Variants in ITPR3 observed in about 807,000 individuals in gnomAD.
The protein encoded by ITPR3 is inositol 1,4,5-trisphosphate-gated calcium channel ITPR3.
ITPR3 carries 173 observed loss-of-function variants against 293.2 expected under a neutral mutation model. That is an observed-to-expected ratio of 0.59 (90% CI 0.52 to 0.67). The LOEUF (loss-of-function observed/expected upper bound fraction) is 0.67, where lower values mean the gene tolerates loss of function less well. Ranked by LOEUF, ITPR3 falls within the 30% of genes least tolerant of loss-of-function variation. The probability of loss-of-function intolerance (pLI) is 0.00; values close to 1 mark genes in which losing one functional copy is unlikely to be tolerated. For missense variants in ITPR3, 2,796 were observed against 3,592.1 expected (o/e 0.78, Z 5.66); for synonymous variants, 1,295 against 1,444.4 (o/e 0.90, Z 2.35).
intron 50 of ITPR3, 76 bp downstream of exon 50, chr6:33,689,486 G>T: frequency 1.3e-6 from 2 of 1,512,858 alleles, no homozygotes; most frequent in Non-Finnish European, 1.8e-6. Context: ...CTGGCCTGCT[G>T]CTTCCAGGAG....
intron 21 of ITPR3, among the ~76,000 whole-genome samples, chr6:33,671,672 T>G (rs1334449850): frequency 6.6e-6 from 1 of 152,080 alleles, no homozygotes; most frequent in Non-Finnish European, 1.5e-5. Flanking sequence ...CTGCATAAAG[T>G]CATCTAAACA....
At position 33,691,563 on chromosome 6, in the gene ITPR3, G is replaced by A. The variant is rs1310892630; in HGVS notation, c.7226-52G>A. 6.8e-6 allele frequency: 10 copies of A among 1,474,486 alleles called. No homozygotes were observed. In the African/African-American group the frequency reaches 6.9e-5, roughly 10 times the overall value. 91.3% of individuals were successfully genotyped at this position (1,474,486 alleles called of 1,614,324 possible). The stretch of plus-strand genomic sequence containing the variant: ...ATGTGACACTGGGGACAGAGCCAGG[G>A]GATAAGGCCAGGCACTGGACCTCCT... On this transcript the variant is annotated intron_variant, in intron 52 of 57. Coordinates refer to ENST00000605930, the MANE Select transcript of ITPR3 (RefSeq NM_002224.4). The surrounding 1 kb of genome is among the most constrained non-coding windows in gnomAD (Gnocchi z 4.9).
In ITPR3 at chr6:33,683,317, A is replaced by T. The variant is rs745796543; in HGVS notation, c.4708A>T (p.Lys1570Ter). 1 of 1,591,844 alleles carries T rather than the reference A, an allele frequency of 6.3e-7. No homozygotes were observed. Among genetic ancestry groups the T allele is most frequent in the South Asian group, 1.1e-5 (1 of 87,582 alleles). Residue 1570 changes from lysine to a stop codon, truncating the protein, a stop_gained, in exon 35 of 58, where the codon AAG becomes TAG. Coordinates refer to ENST00000605930, the MANE Select transcript of ITPR3 (RefSeq NM_002224.4). LOFTEE classifies it high-confidence loss of function. The surrounding 1 kb of genome is among the most constrained non-coding windows in gnomAD (Gnocchi z 4.5). ...CGCCCAGCGGAACGCCTCCAGCTAC[A>T]AGGCAACCACGCGGGCCTTCCCCCG... Reference protein sequence around the residue: ...AAAQRNASSYKATTRAFPRVT... With the variant: ...AAAQRNASSY
At position 33,638,044 on chromosome 6, in the gene ITPR3, C is replaced by T. The variant is rs558142501; in HGVS notation, c.90-2440C>T. 8.7e-5 allele frequency among the ~76,000 whole-genome samples: 13 copies of T among 149,748 alleles called. No individual in the cohort carries two copies. Among genetic ancestry groups the T allele is most frequent in the Non-Finnish European group, 1.6e-4 (11 of 67,450 alleles). ...TTGTTGAGATGAAGTCTTGCTCTTTCGCCCAGGCTGAAGTGCAGTGGCGTG... is the reference window on the plus strand; with the variant it reads ...TTGTTGAGATGAAGTCTTGCTCTTTTGCCCAGGCTGAAGTGCAGTGGCGTG... On this transcript the variant is annotated intron_variant, in intron 1 of 57. Transcript: ENST00000605930. This position sits in a 1 kb window ranked among gnomAD's most constrained non-coding sequence, Gnocchi z 4.3.
rs1354444609 is a variant in ITPR3 at position 33,655,866 on chromosome 6, G to C, written c.261G>C (p.Val87=). The C allele has an allele frequency of 6.2e-7, 1 of 1,614,082 alleles. No homozygotes were observed. Among genetic ancestry groups the C allele is most frequent in the East Asian group, 2.2e-5 (1 of 44,874 alleles). Residue 87 remains valine (V), a synonymous_variant, in exon 3 of 58, where the codon GTG becomes GTC. Coordinates refer to ENST00000605930, the MANE Select transcript of ITPR3 (RefSeq NM_002224.4). This position sits in a 1 kb window ranked among gnomAD's most constrained non-coding sequence, Gnocchi z 4.9. Reference sequence around the variant, plus strand: ...AGGACAAGGAGAAGATCGCTGATGTGGTGTTGCTGCAGAAGCTGCAGGTAT... The same window carrying C: ...AGGACAAGGAGAAGATCGCTGATGTCGTGTTGCTGCAGAAGCTGCAGGTAT... ...TKQDKEKIAD[V]VLLQKLQHAA...
rs115384840 is a variant in ITPR3 at position 33,649,744 on chromosome 6, T to G, written c.161-6022T>G. 1.4e-4 allele frequency among the ~76,000 whole-genome samples: 22 copies of G among 152,286 alleles called. No homozygotes were observed. The East Asian group carries it at 3.9e-3, about 27-fold the overall frequency. On this transcript the variant is annotated intron_variant, in intron 2 of 57. Transcript: ENST00000605930. ...TTGGATCCTCTACTCTGGTGCTTGA[T>G]TGAGCAGCAGAACCATGTGGGGTAG... is the stretch of plus-strand genomic sequence containing the variant.
intron 2 of ITPR3, among the ~76,000 whole-genome samples, chr6:33,644,240 T>C (rs1245177904): frequency 6.6e-6 from 1 of 152,038 alleles, no homozygotes; most frequent in Non-Finnish European, 1.5e-5. Context: ...CACCCACTGC[T>C]GAGCTTTGTC....
rs78064999 is a variant in ITPR3 at position 33,655,732 on chromosome 6, T to C, written c.161-34T>C. Reference sequence around the variant, plus strand: ...GGGAGGGCCCTGAGCCCCAGATGAATCATTCCCCTCACCCCCAACCTGCCC... The same window carrying C: ...GGGAGGGCCCTGAGCCCCAGATGAACCATTCCCCTCACCCCCAACCTGCCC... On this transcript the variant is annotated intron_variant, in intron 2 of 57. Transcript: ENST00000605930. The surrounding 1 kb of genome is among the most constrained non-coding windows in gnomAD (Gnocchi z 4.9). 0.047 allele frequency: 75,884 copies of C among 1,613,086 alleles called. 2,063 individuals are homozygous for C. Among genetic ancestry groups the C allele is most frequent in the African/African-American group, 0.068 (5,121 of 74,954 alleles).
intron 9 of ITPR3, 57 bp from the exon 10 acceptor site, chr6:33,663,443 T>C: frequency 6.6e-7 from 1 of 1,521,120 alleles, no homozygotes; most frequent in Non-Finnish European, 9.0e-7. Flanking sequence ...TTGCAGTGGG[T>C]CGTGTGGGTA....
rs183301634 is a variant in ITPR3 at position 33,622,968 on chromosome 6, A to C, written c.89+1277A>C. ...CTGGTGCCCTCCCCTTCACACGTGG[A>C]ATCCCTGCCTATTTGTCCCCACTTC... is the stretch of plus-strand genomic sequence containing the variant. On this transcript the variant is annotated intron_variant, in intron 1 of 57. Transcript: ENST00000605930. Among the ~76,000 whole-genome samples the C allele has an allele frequency of 1.7e-3, 257 of 152,270 alleles. 1 individual carries two copies. Among genetic ancestry groups the C allele is most frequent in the African/African-American group, 5.9e-3 (245 of 41,540 alleles).
rs1765182061 is a variant in ITPR3 at position 33,684,860 on chromosome 6, A to G, written c.5224A>G (p.Thr1742Ala). The change falls in exon 39 of 58, where the codon ACC becomes GCC. Residue 1742 changes from threonine (T) to alanine (A), a missense_variant. By Grantham distance (58) the Thr-to-Ala change is moderately conservative. Transcript: ENST00000605930. The surrounding 1 kb of genome is among the most constrained non-coding windows in gnomAD (Gnocchi z 4.2). ...GATKLVCDLI[T>A]STKNEKIFQE... The stretch of plus-strand genomic sequence containing the variant: ...CACCAAGTTGGTATGCGACCTCATC[A>G]CCAGCACCAAGAACGAGAAGATCTT... 3 of 1,613,954 alleles carry G rather than the reference A, an allele frequency of 1.9e-6. No individual in the cohort carries two copies. The highest frequency in any genetic ancestry group is 3.3e-4 in the Middle Eastern group (2 of 6,084).
intron 42 of ITPR3, 35 bp from the exon 43 acceptor site, chr6:33,686,374 G>T (rs767820602): frequency 1.2e-6 from 2 of 1,602,396 alleles, no homozygotes; most frequent in Non-Finnish European, 8.6e-7. Context: ...TTCTGAGAGG[G>T]CCTGGGCCCT....
chr6:33,668,308 A>G (rs566725897), intron 16 of ITPR3, among the ~76,000 whole-genome samples: 4 of 151,998 alleles, frequency 2.6e-5, no homozygotes, highest in African/African-American at 9.7e-5. Context: ...CTGAACCCCC[A>G]TCTAGCCTTC....
In ITPR3 at chr6:33,679,217, C is replaced by T. The variant is rs191788067; in HGVS notation, c.3972+378C>T. Among the ~76,000 whole-genome samples, 147 of 152,274 alleles carry T rather than the reference C, an allele frequency of 9.7e-4. No individual in the cohort carries two copies. Among genetic ancestry groups the T allele is most frequent in the African/African-American group, 3.3e-3 (136 of 41,542 alleles). ...GCTGAGTGTCAGCTCCTGGGGGGCA[C>T]GGGCAGGGACCCCATCCTTTGTGTG... On this transcript the variant is annotated intron_variant, in intron 30 of 57. Coordinates refer to ENST00000605930, the MANE Select transcript of ITPR3 (RefSeq NM_002224.4). This position sits in a 1 kb window ranked among gnomAD's most constrained non-coding sequence, Gnocchi z 4.2.
At position 33,679,834 on chromosome 6, in the gene ITPR3, G is replaced by C. The variant is rs1441344034; in HGVS notation, c.3973-48G>C. 6.3e-7 allele frequency: 1 copy of C among 1,576,268 alleles called. No individual in the cohort carries two copies. Among genetic ancestry groups the C allele is most frequent in the Admixed American group, 1.7e-5 (1 of 58,374 alleles). Reference sequence around the variant, plus strand: ...GTAAGCAACGGAGAGGAGAGCCCAGGGCTTGCTGGACCGAGAGAGTGTGAC... The same window carrying C: ...GTAAGCAACGGAGAGGAGAGCCCAGCGCTTGCTGGACCGAGAGAGTGTGAC... On this transcript the variant is annotated intron_variant, in intron 30 of 57. Coordinates refer to ENST00000605930, the MANE Select transcript of ITPR3 (RefSeq NM_002224.4). The surrounding 1 kb of genome is among the most constrained non-coding windows in gnomAD (Gnocchi z 4.2).
At chr6:33,685,229 C>T in intron 39 of ITPR3, 130 bp from the exon 40 acceptor site, 1 of 949,624 alleles carries the variant, frequency 1.1e-6, no homozygotes, top group Non-Finnish European at 1.6e-6. Flanking sequence ...ATGCTAGCCA[C>T]CAGCACCCAG....
chr6:33,643,152 A>G (rs1440901090), intron 2 of ITPR3, among the ~76,000 whole-genome samples: 1 of 152,160 alleles, frequency 6.6e-6, no homozygotes, highest in East Asian at 1.9e-4. Flanking sequence ...GGGTGGGGTT[A>G]TGGCAGGCGT....
At chr6:33,663,927 T>TGTTGACAGGGTGGTACAGA (rs1163369723) in intron 11 of ITPR3, 47 bp downstream of exon 11, 4 of 1,606,202 alleles carry the variant, frequency 2.5e-6, no homozygotes, top group Admixed American at 3.3e-5. Flanking sequence ...GTGCTCAGGG[T>TGTTGACAGGGTGGTACAGA]GGGCCCTCCT....
intron 1 of ITPR3, among the ~76,000 whole-genome samples, chr6:33,628,516 T>C (rs1763599608): frequency 6.6e-6 from 1 of 152,188 alleles, no homozygotes; most frequent in Non-Finnish European, 1.5e-5. Context: ...GAGAAGTTTG[T>C]AGGGCCTTTC....
Sources: allele counts gnomAD v4.1 joint callset (sites outside exome capture counted in the v4.1 genomes callset), GRCh38; gene constraint gnomAD v4.1.1; non-coding constraint Gnocchi (gnomAD v3.1); transcripts MANE v1.5; gene names NCBI Gene and HGNC (gene_info 2026-07-23, HGNC 2026-07-21).